Variants in CELF2 observed in about 807,000 individuals in gnomAD.
The protein encoded by CELF2 is CUG triplet repeat RNA-binding protein 2.
Under a neutral mutation model 62.6 loss-of-function variants are expected in CELF2, and 8 were observed. The observed-to-expected ratio is 0.13, with a 90% CI of 0.07 to 0.23. CELF2 has a LOEUF of 0.23. CELF2 is among the 10% of genes least tolerant of loss of function. The pLI is 1.00. For missense variants in CELF2, 333 were observed against 671.0 expected, an observed-to-expected ratio of 0.50 and a Z score of 5.56; for synonymous variants, 258 against 250.0, an observed-to-expected ratio of 1.03 and a Z score of -0.30.
In CELF2 at chr10:11,285,879, T is replaced by TGTGTGTGTGTGTGTGTG. The variant is rs1385996500; in HGVS notation, c.842-2539_842-2538insGTGTGTGTGTGTGTGTG. Among the ~76,000 whole-genome samples the TGTGTGTGTGTGTGTGTG allele has an allele frequency of 1.3e-4, 14 of 108,006 alleles. 1 individual carries two copies. Among genetic ancestry groups the TGTGTGTGTGTGTGTGTG allele is most frequent in the African/African-American group, 7.2e-4 (14 of 19,538 alleles). 70.9% of individuals were successfully genotyped at this position (108,006 alleles called of 152,430 possible). A position where few individuals can be genotyped will look rare whatever the true frequency, so the allele number is the denominator to read the frequency against. On this transcript the variant is annotated intron_variant, in intron 8 of 12. Coordinates refer to ENST00000633077, the MANE Select transcript of CELF2 (RefSeq NM_001326342.2). This position sits in a 1 kb window ranked among gnomAD's most constrained non-coding sequence, Gnocchi z 4.3. ...TGTGTGTGTGTGTGTGTGTGTGTGT[T>TGTGTGTGTGTGTGTGTG]TTTACATGGACTTGAAAATGAGTAA...
At chr10:10,600,536 G>A in the CELF2 span, among the ~76,000 whole-genome samples, 1 of 152,200 alleles carries the variant, frequency 6.6e-6, no homozygotes, top group African/African-American at 2.4e-5. Context: ...AGCCCAAAGT[G>A]GCAGAGGAAG....
chr10:11,291,726 T>G (rs561097156), intron 9 of CELF2, among the ~76,000 whole-genome samples: 1 of 152,220 alleles, frequency 6.6e-6, no homozygotes, highest in African/African-American at 2.4e-5. Context: ...ACCCAGTTTT[T>G]AACCTGTTTT....
At chr10:10,810,099 G>A (rs1196486668) in intron 1 of CELF2, among the ~76,000 whole-genome samples, 1 of 152,140 alleles carries the variant, frequency 6.6e-6, no homozygotes, top group Admixed American at 6.5e-5. Context: ...AAATTAATTT[G>A]TCAATGCCAT....
chr10:10,959,398 T>C (rs2049244659), intron 2 of CELF2, among the ~76,000 whole-genome samples: 1 of 152,256 alleles, frequency 6.6e-6, no homozygotes, highest in African/African-American at 2.4e-5. Context: ...CACTAGTTTC[T>C]ATATATGGTG....
intron 3 of CELF2, among the ~76,000 whole-genome samples, chr10:11,232,651 T>C (rs1475666915): frequency 2.6e-5 from 4 of 152,204 alleles, no homozygotes; most frequent in African/African-American, 9.6e-5. Flanking sequence ...GATGTTGCCT[T>C]GATGATGTTG....
At chr10:10,481,290 T>G in the CELF2 span, among the ~76,000 whole-genome samples, 1 of 152,228 alleles carries the variant, frequency 6.6e-6, no homozygotes, top group Non-Finnish European at 1.5e-5. Flanking sequence ...GCTTAATTAT[T>G]TATTACTTGT....
intron 1 of CELF2, among the ~76,000 whole-genome samples, chr10:10,901,715 A>G (rs2062950088): frequency 6.6e-6 from 1 of 152,188 alleles, no homozygotes; most frequent in South Asian, 2.1e-4. Flanking sequence ...AGAGAATGAA[A>G]AAAGAAGTCA....
At chr10:10,736,037 C>T in the CELF2 span, among the ~76,000 whole-genome samples, 1 of 152,240 alleles carries the variant, frequency 6.6e-6, no homozygotes, top group East Asian at 1.9e-4. Flanking sequence ...TTAATTCTTC[C>T]CATCTTTAAA....
intron 1 of CELF2, among the ~76,000 whole-genome samples, chr10:10,874,678 T>A (rs1021822276): frequency 6.6e-6 from 1 of 152,188 alleles, no homozygotes; most frequent in African/African-American, 2.4e-5. Flanking sequence ...TAAATTTACC[T>A]AATGGGAAGT....
rs1036278617 is a variant in CELF2 at position 11,296,599 on chromosome 10, T to C, written c.976+8047T>C. ...TCCATTTCTTCAGACTTGAAAGCAA[T>C]AAAATGGAAATTTTTAGTTCAGATG... On this transcript the variant is annotated intron_variant, in intron 9 of 12. Coordinates refer to ENST00000633077, the MANE Select transcript of CELF2 (RefSeq NM_001326342.2). The surrounding 1 kb of genome is among the most constrained non-coding windows in gnomAD (Gnocchi z 5.0). Among the ~76,000 whole-genome samples the C allele has an allele frequency of 3.3e-5, 5 of 152,126 alleles. No individual in the cohort carries two copies. The highest frequency in any genetic ancestry group is 1.2e-4 in the African/African-American group (5 of 41,428).
At chr10:10,766,933 C>T in the CELF2 span, among the ~76,000 whole-genome samples, 1 of 152,148 alleles carries the variant, frequency 6.6e-6, no homozygotes. Flanking sequence ...ATGGAGCACC[C>T]GTTCATTTCT....
chr10:11,126,383 A>G (rs1048025141), intron 1 of CELF2, among the ~76,000 whole-genome samples: 4 of 152,172 alleles, frequency 2.6e-5, no homozygotes, highest in Non-Finnish European at 4.4e-5. Flanking sequence ...TGCAAGGTGG[A>G]CTATAGTATT....
intron 4 of CELF2, among the ~76,000 whole-genome samples, chr10:11,251,153 TCTATG>T (rs1210536239): frequency 6.6e-6 from 1 of 151,950 alleles, no homozygotes. Context: ...GAAGTGAAAG[TCTATG>T]GAAAAGGGTT....
the CELF2 span, among the ~76,000 whole-genome samples, chr10:10,729,383 A>T: frequency 6.6e-6 from 1 of 152,190 alleles, no homozygotes; most frequent in African/African-American, 2.4e-5. Flanking sequence ...ATGAGGTGAG[A>T]ATTGGTAAAG....
rs188473709 is a variant in CELF2 at position 10,854,190 on chromosome 10, G to A, written c.53+55373G>A. Among the ~76,000 whole-genome samples, 9 of 152,200 alleles carry A rather than the reference G, an allele frequency of 5.9e-5. No homozygotes were observed. In the East Asian group the frequency reaches 1.5e-3, roughly 26 times the overall value. On this transcript the variant is annotated intron_variant, in intron 1 of 13. Coordinates refer to the CELF2 transcript ENST00000636488. ...TCATGAGGACTCTGTGTCAACATGCGAATCGAACCTGGAATATGGAAGTGT... is the reference window on the plus strand; with the variant it reads ...TCATGAGGACTCTGTGTCAACATGCAAATCGAACCTGGAATATGGAAGTGT...
chr10:11,013,703 A>T (rs1432380462), upstream of CELF2, among the ~76,000 whole-genome samples: 4 of 152,232 alleles, frequency 2.6e-5, no homozygotes, highest in African/African-American at 4.8e-5. This position sits in a 1 kb window ranked among gnomAD's most constrained non-coding sequence, Gnocchi z 4.1. Flanking sequence ...ATTTACTTTT[A>T]CTTAAATCGC....
rs553074692 is a variant in CELF2, at chr10:10,930,938, A to C, written c.89+10939A>C. On this transcript the variant is annotated intron_variant, in intron 2 of 13. Coordinates refer to the CELF2 transcript ENST00000636488. ...TTGCTGTCCAATGAGCTTTGACAAA[A>C]ACAAAACAGGTTGGAGAGTTTCTGT... Among the ~76,000 whole-genome samples, 20 of 152,310 alleles carry C rather than the reference A, an allele frequency of 1.3e-4. 1 individual carries two copies. The South Asian group carries it at 4.1e-3, about 32-fold the overall frequency.
chr10:10,672,314 G>T, the CELF2 span, among the ~76,000 whole-genome samples: 1 of 152,156 alleles, frequency 6.6e-6, no homozygotes, highest in Non-Finnish European at 1.5e-5. Context: ...AAAAGTCATT[G>T]CCAAATCCAA....
At chr10:11,161,232 G>C (rs182037628) in intron 1 of CELF2, among the ~76,000 whole-genome samples, 1 of 152,332 alleles carries the variant, frequency 6.6e-6, no homozygotes, top group South Asian at 2.1e-4. Context: ...GCCCACTGGC[G>C]TAGTGCTTGC....
Sources: gnomAD v4.1 joint callset for allele counts (sites outside exome capture counted in the v4.1 genomes callset) on GRCh38, gnomAD v4.1.1 for gene constraint, Gnocchi (gnomAD v3.1) non-coding constraint, MANE v1.5 for transcripts, NCBI Gene and HGNC (gene_info 2026-07-23, HGNC 2026-07-21) for gene names.